PPP2R5E: variants seen among roughly 807,000 people sequenced by gnomAD.
The protein encoded by PPP2R5E is protein phosphatase 2 regulatory subunit B'epsilon, also known as serine/threonine-protein phosphatase 2A 56 kDa regulatory subunit epsilon isoform.
A neutral mutation model predicts 65.3 loss-of-function variants in PPP2R5E; 4 were observed. The observed-to-expected ratio is 0.06, with a 90% CI of 0.03 to 0.14. PPP2R5E has a LOEUF of 0.14. Ranked by LOEUF, PPP2R5E falls within the 10% of genes least tolerant of loss-of-function variation. The pLI, the probability that PPP2R5E is intolerant of heterozygous loss-of-function variation, is 1.00. For synonymous variants in PPP2R5E, 183 were observed against 187.4 expected, an observed-to-expected ratio of 0.98 and a Z score of 0.19; for missense variants, 274 against 556.1, an observed-to-expected ratio of 0.49 and a Z score of 5.10.
chr14:63,504,517 G>A (rs558089201), intron 2 of PPP2R5E, among the ~76,000 whole-genome samples: 1 of 152,300 alleles, frequency 6.6e-6, no homozygotes, highest in East Asian at 1.9e-4. Context: ...AGGAGGCGGA[G>A]GTTGCAGTGA....
At chr14:63,417,721 T>G (rs927718977) in intron 4 of PPP2R5E, among the ~76,000 whole-genome samples, 1 of 148,410 alleles carries the variant, frequency 6.7e-6, no homozygotes. Flanking sequence ...TTTTTTACAT[T>G]TTTAATTACA....
rs966226518 is a variant in PPP2R5E, at chr14:63,408,954, G to A, written c.549+6186C>T. ...TACCAAAAATACAAAAATTAGGGCC[G>A]GGCTTGGTGGCTCATGCCTGTAATT... On this transcript the variant is annotated intron_variant, in intron 5 of 13. Coordinates refer to ENST00000337537, the MANE Select transcript of PPP2R5E (RefSeq NM_006246.5). Among the ~76,000 whole-genome samples the A allele has an allele frequency of 9.2e-5, 14 of 152,210 alleles. No individual in the cohort carries two copies. In the East Asian group the frequency reaches 2.5e-3, roughly 27 times the overall value.
At chr14:63,505,137 C>A (rs1164402372) in intron 2 of PPP2R5E, among the ~76,000 whole-genome samples, 1 of 152,152 alleles carries the variant, frequency 6.6e-6, no homozygotes, top group African/African-American at 2.4e-5. Flanking sequence ...GAGTTCCAGA[C>A]CAGCCTGGCC....
At chr14:63,474,797 T>C (rs1338186906) in intron 2 of PPP2R5E, among the ~76,000 whole-genome samples, 1 of 149,728 alleles carries the variant, frequency 6.7e-6, no homozygotes, top group East Asian at 2.0e-4. Flanking sequence ...AATATATAAG[T>C]GGTCTTAAAG....
At chr14:63,535,116 C>T (rs1398955946) in intron 2 of PPP2R5E, among the ~76,000 whole-genome samples, 1 of 152,080 alleles carries the variant, frequency 6.6e-6, no homozygotes, top group Non-Finnish European at 1.5e-5. Flanking sequence ...ATTTCAAAAC[C>T]CCACCTATTA....
chr14:63,428,972 A>G (rs147467286), intron 3 of PPP2R5E, among the ~76,000 whole-genome samples: 148 of 152,272 alleles, frequency 9.7e-4, no homozygotes, highest in African/African-American at 3.2e-3. Context: ...CCTAATAGCT[A>G]CTCATTAAAT....
intron 2 of PPP2R5E, among the ~76,000 whole-genome samples, chr14:63,477,541 T>C (rs1232772560): frequency 6.7e-6 from 1 of 148,704 alleles, no homozygotes; most frequent in East Asian, 2.0e-4. Context: ...AAAGCAGTAA[T>C]GGAGAAAGGA....
At chr14:63,483,758 G>C (rs931046271) in intron 2 of PPP2R5E, among the ~76,000 whole-genome samples, 1 of 152,090 alleles carries the variant, frequency 6.6e-6, no homozygotes, top group Admixed American at 6.6e-5. Context: ...GAGCAGAGCC[G>C]AGATGGGGGA....
intron 2 of PPP2R5E, among the ~76,000 whole-genome samples, chr14:63,487,925 ATTT>A (rs1891075010): frequency 6.6e-6 from 1 of 151,984 alleles, no homozygotes; most frequent in African/African-American, 2.4e-5. Context: ...CCTCTTCTTT[ATTT>A]GTCTTTCACA....
chr14:63,415,090 TA>T (rs769890501), intron 5 of PPP2R5E, 49 bp downstream of exon 5: 2 of 1,326,582 alleles, frequency 1.5e-6, no homozygotes, highest in Non-Finnish European at 2.1e-6. Context: ...GAAAATGAGA[TA>T]AAGTGTTAAC....
Position 63,374,970 on chromosome 14 carries a change from G to T in PPP2R5E, c.*1039C>A, listed in dbSNP as rs528770409. On this transcript the variant is annotated 3_prime_UTR_variant, in exon 14 of 14. Coordinates refer to ENST00000337537, the MANE Select transcript of PPP2R5E (RefSeq NM_006246.5). Reference sequence around the variant, plus strand: ...CTACAAAAAACACTGTAACATGTTTGTTTTTTCCCAGAGGCTACATCCTCT... The same window carrying T: ...CTACAAAAAACACTGTAACATGTTTTTTTTTTCCCAGAGGCTACATCCTCT... The T allele has an allele frequency of 4.6e-5, 7 of 152,454 alleles. No homozygotes were observed. The highest frequency in any genetic ancestry group is 2.1e-4 in the South Asian group (1 of 4,802). 9.4% of individuals were successfully genotyped at this position (152,454 alleles called of 1,614,324 possible). A position where few individuals can be genotyped will look rare whatever the true frequency, so the allele number is the denominator to read the frequency against.
At chr14:63,384,950 T>C (rs1042689506) in intron 11 of PPP2R5E, among the ~76,000 whole-genome samples, 1 of 152,008 alleles carries the variant, frequency 6.6e-6, no homozygotes, top group Non-Finnish European at 1.5e-5. Context: ...CACCTCAGCC[T>C]CCCAAAAGTG....
At chr14:63,447,368 C>T (rs1374756849) in intron 3 of PPP2R5E, among the ~76,000 whole-genome samples, 1 of 152,236 alleles carries the variant, frequency 6.6e-6, no homozygotes, top group Non-Finnish European at 1.5e-5. Context: ...TAGTGCTTCA[C>T]CTTGCACTTT....
chr14:63,513,976 GT>G (rs1892562423), intron 2 of PPP2R5E, among the ~76,000 whole-genome samples: 1 of 152,308 alleles, frequency 6.6e-6, no homozygotes, highest in East Asian at 1.9e-4. Context: ...CCAGCCCAAT[GT>G]TTTCTACGGC....
chr14:63,521,385 T>C (rs905880629), intron 2 of PPP2R5E, among the ~76,000 whole-genome samples: 1 of 152,036 alleles, frequency 6.6e-6, no homozygotes, highest in African/African-American at 2.4e-5. Flanking sequence ...CACCAGTTAG[T>C]TGGCCGGGCG....
chr14:63,494,557 A>C (rs974862140), intron 2 of PPP2R5E, among the ~76,000 whole-genome samples: 8 of 151,692 alleles, frequency 5.3e-5, no homozygotes, highest in Non-Finnish European at 1.0e-4. Flanking sequence ...AAAAAAAAAA[A>C]AAAGACAACC....
intron 3 of PPP2R5E, among the ~76,000 whole-genome samples, chr14:63,427,012 GGTC>G (rs1887378746): frequency 6.6e-6 from 1 of 152,204 alleles, no homozygotes; most frequent in Non-Finnish European, 1.5e-5. Context: ...TAAAAACCAA[GGTC>G]CTAAATAGTA....
chr14:63,386,040 AG>A (rs1366114403), intron 11 of PPP2R5E, among the ~76,000 whole-genome samples: 2 of 152,240 alleles, frequency 1.3e-5, no homozygotes, highest in African/African-American at 4.8e-5. Context: ...GGGTAGTTAC[AG>A]GGGAAAAGGG....
intron 10 of PPP2R5E, among the ~76,000 whole-genome samples, chr14:63,390,210 C>A (rs986961564): frequency 6.6e-6 from 1 of 151,770 alleles, no homozygotes; most frequent in African/African-American, 2.4e-5. Flanking sequence ...ATTAATACAA[C>A]AAAAAGTTCA....
Sources: allele counts gnomAD v4.1 joint callset (sites outside exome capture counted in the v4.1 genomes callset), GRCh38; gene constraint gnomAD v4.1.1; transcripts MANE v1.5; gene names NCBI Gene and HGNC (gene_info 2026-07-23, HGNC 2026-07-21).